The following COL8A2 variants were observed in gnomAD, a reference collection of about 807,000 sequenced individuals.
COL8A2 encodes collagen alpha-2(VIII) chain.
Under a neutral mutation model 24.0 loss-of-function variants are expected in COL8A2, and 16 were observed. The observed-to-expected ratio is 0.67, with a 90% CI of 0.45 to 1.01. COL8A2 has a LOEUF of 1.01. COL8A2 is among the 50% of genes least tolerant of loss of function. The pLI is 0.00. For missense variants in COL8A2, 818 were observed against 942.4 expected, an observed-to-expected ratio of 0.87 and a Z score of 1.73; for synonymous variants, 466 against 424.5, an observed-to-expected ratio of 1.10 and a Z score of -1.20.
At chr1:36,105,051 G>A (rs1643738729) in intron 2 of COL8A2, among the ~76,000 whole-genome samples, 1 of 152,124 alleles carries the variant, frequency 6.6e-6, no homozygotes, top group Non-Finnish European at 1.5e-5. Context: ...TTGAGGGTGG[G>A]TTGTGGGCGT....
chr1:36,115,819 T>C lies in COL8A2; in HGVS notation c.-61-67A>G. On this transcript the variant is annotated intron_variant, in intron 1 of 3. Coordinates refer to ENST00000397799, the MANE Select transcript of COL8A2 (RefSeq NM_005202.4). The surrounding 1 kb of genome is among the most constrained non-coding windows in gnomAD (Gnocchi z 5.7). ...GCTCAAGCTTGTAATCCCAGCACTT[T>C]GGGAGGCTAAGGTGGGAAGACTGCT... 5.5e-6 allele frequency: 5 copies of C among 912,964 alleles called. No homozygotes were observed. The South Asian group carries it at 1.5e-4, about 28-fold the overall frequency. 56.6% of individuals were successfully genotyped at this position (912,964 alleles called of 1,614,324 possible).
chr1:36,097,835 C>T lies in COL8A2; in HGVS notation c.1846G>A (p.Val616Met). 1 of 1,613,380 alleles carries T rather than the reference C, an allele frequency of 6.2e-7. No homozygotes were observed. The highest frequency in any genetic ancestry group is 1.1e-5 in the South Asian group (1 of 91,092). ...NPATGIFTCP[V>M]GGVYYFAYHV... ...TAAGCAAAGTAGTAGACGCCGCCCA[C>T]AGGGCAGGTGAAGATGCCAGTGGCT... Residue 616 changes from valine to methionine, a missense_variant, in exon 4 of 4, where the codon GTG becomes ATG. Val to Met is a conservative substitution (Grantham distance 21, BLOSUM62 1). This residue lies in a region of COL8A2 where 235 missense variants were observed against 297.3 expected (regional missense o/e 0.79). Coordinates refer to ENST00000397799, the MANE Select transcript of COL8A2 (RefSeq NM_005202.4).
At position 36,098,648 on chromosome 1, in the gene COL8A2, C is replaced by T. The variant is rs879183130; in HGVS notation, c.1033G>A (p.Asp345Asn). 3 of 1,610,420 alleles carry T rather than the reference C, an allele frequency of 1.9e-6. No individual in the cohort carries two copies. The highest frequency in any genetic ancestry group is 2.2e-5 in the South Asian group (2 of 91,012). ...GGGCCCTGCTCCCCTGGCTCCCCAT[C>T]CTCCCCTGGCTCACCCCTGTCCCCC... is the stretch of plus-strand genomic sequence containing the variant. ...LLGDRGEPGE[D>N]GEPGEQGPQG... The change falls in exon 4 of 4, where the codon GAT (aspartate) becomes AAT (asparagine). Residue 345 changes from aspartate to asparagine, a missense_variant. Asp to Asn is a conservative substitution (Grantham distance 23). Coordinates refer to ENST00000397799, the MANE Select transcript of COL8A2 (RefSeq NM_005202.4).
At chr1:36,112,993 C>T (rs1304870346) in intron 2 of COL8A2, among the ~76,000 whole-genome samples, 2 of 152,302 alleles carry the variant, frequency 1.3e-5, no homozygotes, top group Middle Eastern at 3.4e-3. Flanking sequence ...ATTCACATGG[C>T]TTCCTGGAGG....
At chr1:36,120,466 G>A (rs1364505710) in intron 1 of COL8A2, among the ~76,000 whole-genome samples, 1 of 150,742 alleles carries the variant, frequency 6.6e-6, no homozygotes, top group Non-Finnish European at 1.5e-5. Flanking sequence ...TAAATAAAAA[G>A]AGGACGGGCA....
At chr1:36,110,829 T>C (rs1643831341) in intron 2 of COL8A2, among the ~76,000 whole-genome samples, 1 of 151,682 alleles carries the variant, frequency 6.6e-6, no homozygotes. Context: ...TCTGGCTTTC[T>C]TGACCTTTTC....
At chr1:36,106,288 G>A (rs1395742573) in intron 2 of COL8A2, among the ~76,000 whole-genome samples, 4 of 150,754 alleles carry the variant, frequency 2.7e-5, no homozygotes, top group Admixed American at 6.6e-5. Context: ...AAAAAAAAAC[G>A]AGATGAGGAA....
chr1:36,111,081 GGAA>G (rs1643834123), intron 2 of COL8A2, among the ~76,000 whole-genome samples: 1 of 152,114 alleles, frequency 6.6e-6, no homozygotes, highest in Non-Finnish European at 1.5e-5. Context: ...CCTGAATCTC[GGAA>G]GAAGGAGCAA....
chr1:36,098,670 C>A lies in COL8A2; in HGVS notation c.1011G>T (p.Gly337=). ...CATCCTCCCCTGGCTCACCCCTGTC[C>A]CCCAAGAGTCCTGGGACCCCAGCTG... The part of the protein sequence containing the change: ...RGPAGVPGLL[G]DRGEPGEDGE... The change falls in exon 4 of 4, where the codon GGG becomes GGT. Residue 337 remains glycine, a synonymous_variant. Transcript: ENST00000397799. 6.2e-7 allele frequency: 1 copy of A among 1,610,262 alleles called. No individual in the cohort carries two copies.
chr1:36,099,306 A>G lies in COL8A2; in HGVS notation c.375T>C (p.Ala125=). ...GPPGFSRMGK[A]GPPGLPGKVG... ...CCTTGCCAGGGAGCCCTGGGGGACC[A>G]GCCTTGCCCATCCGGGAGAAGCCAG... Residue 125 remains alanine, a synonymous_variant, in exon 4 of 4, where the codon GCT becomes GCC. Coordinates refer to ENST00000397799, the MANE Select transcript of COL8A2 (RefSeq NM_005202.4). 6.4e-7 allele frequency: 1 copy of G among 1,574,646 alleles called. No individual in the cohort carries two copies. The highest frequency in any genetic ancestry group is 8.6e-7 in the Non-Finnish European group (1 of 1,161,706).
chr1:36,112,734 T>C (rs555105625), intron 2 of COL8A2, among the ~76,000 whole-genome samples: 3 of 152,164 alleles, frequency 2.0e-5, no homozygotes, highest in Admixed American at 2.0e-4. Flanking sequence ...CTATGGAGAC[T>C]CCCACAATGC....
At position 36,098,863 on chromosome 1, in the gene COL8A2, C is replaced by G. The variant is rs769792022; in HGVS notation, c.818G>C (p.Gly273Ala). The G allele has an allele frequency of 6.2e-7, 1 of 1,612,514 alleles. No individual in the cohort carries two copies. Among genetic ancestry groups the G allele is most frequent in the South Asian group, 1.1e-5 (1 of 91,072 alleles). Reference sequence around the variant, plus strand: ...TCCCACACCGTCTACTCCAGGAGGTCCTTTTGGGCCCACAGCTCCTGGCTC... The same window carrying G: ...TCCCACACCGTCTACTCCAGGAGGTGCTTTTGGGCCCACAGCTCCTGGCTC... The part of the protein sequence containing the change: ...RGEPGAVGPK[G>A]PPGVDGVGVP... The change falls in exon 4 of 4, where the codon GGA becomes GCA. Residue 273 changes from glycine (G) to alanine (A), a missense_variant. This residue lies in a region of COL8A2 where 573 missense variants were observed against 616.8 expected (regional missense o/e 0.93). Coordinates refer to ENST00000397799, the MANE Select transcript of COL8A2 (RefSeq NM_005202.4).
chr1:36,103,430 G>A (rs892822759), intron 2 of COL8A2, among the ~76,000 whole-genome samples: 3 of 151,870 alleles, frequency 2.0e-5, no homozygotes, highest in African/African-American at 7.3e-5. Flanking sequence ...CCGCCAACAC[G>A]CCCGGCTAAT....
chr1:36,118,533 G>A (rs986429557), intron 1 of COL8A2, among the ~76,000 whole-genome samples: 5 of 152,220 alleles, frequency 3.3e-5, no homozygotes, highest in African/African-American at 9.6e-5. Context: ...CGACTTCAAT[G>A]GGACTCTGTT....
At chr1:36,112,805 G>T (rs1436029948) in intron 2 of COL8A2, among the ~76,000 whole-genome samples, 2 of 152,118 alleles carry the variant, frequency 1.3e-5, no homozygotes, top group East Asian at 1.9e-4. Context: ...CAGGTTCTGG[G>T]GCCCCATCGA....
chr1:36,107,403 C>CAA (rs373732589), intron 2 of COL8A2, among the ~76,000 whole-genome samples: 1 of 133,264 alleles, frequency 7.5e-6, no homozygotes. Flanking sequence ...GACCCTGTCT[C>CAA]AAAAAAAAAA....
chr1:36,099,075 T>C lies in COL8A2; in HGVS notation c.606A>G (p.Arg202=), dbSNP rs1435248272. 4.6e-6 allele frequency: 7 copies of C among 1,512,266 alleles called. No homozygotes were observed. Among genetic ancestry groups the C allele is most frequent in the Non-Finnish European group, 6.2e-6 (7 of 1,132,000 alleles). 93.7% of individuals were successfully genotyped at this position (1,512,266 alleles called of 1,614,324 possible). The change falls in exon 4 of 4, where the codon CGA becomes CGG. Residue 202 remains arginine (R), a synonymous_variant. Coordinates refer to ENST00000397799, the MANE Select transcript of COL8A2 (RefSeq NM_005202.4). The stretch of plus-strand genomic sequence containing the variant: ...CCACTCCATTATCCCCCTTGAGGCC[T>C]CGATCACCTGGGGGCCCAGGCTCCC... The part of the protein sequence containing the change: ...PQGEPGPPGD[R]GLKGDNGVGQ...
chr1:36,106,904 T>C (rs1643769733), intron 2 of COL8A2, among the ~76,000 whole-genome samples: 1 of 151,892 alleles, frequency 6.6e-6, no homozygotes, highest in Non-Finnish European at 1.5e-5. Context: ...TCAGGTCTGA[T>C]GCCAGGACTC....
rs1012785673 is a variant in COL8A2 at position 36,104,656 on chromosome 1, G to A, written c.-16-4398C>T. Among the ~76,000 whole-genome samples the A allele has an allele frequency of 1.3e-3, 205 of 152,050 alleles. 1 individual carries two copies. Among genetic ancestry groups the A allele is most frequent in the African/African-American group, 4.8e-3 (197 of 41,458 alleles). ...TAAAAATACAAAAAATTAGCCGGGT[G>A]TGGTGGCACTTGCCTGTAGTCCCGG... On this transcript the variant is annotated intron_variant, in intron 2 of 3. Coordinates refer to ENST00000397799, the MANE Select transcript of COL8A2 (RefSeq NM_005202.4).
Sources: gnomAD v4.1 joint callset for allele counts (sites outside exome capture counted in the v4.1 genomes callset) on GRCh38, gnomAD v4.1.1 for gene constraint, gnomAD v4.1.1 regional missense constraint, Gnocchi (gnomAD v3.1) non-coding constraint, MANE v1.5 for transcripts, NCBI Gene and HGNC (gene_info 2026-07-23, HGNC 2026-07-21) for gene names.